BRINP1: variants seen among roughly 807,000 people sequenced by gnomAD.
The protein encoded by BRINP1 is BMP/retinoic acid inducible neural specific 1.
Under a neutral mutation model 72.9 loss-of-function variants are expected in BRINP1, and 17 were observed. The observed-to-expected ratio is 0.23, with a 90% CI of 0.16 to 0.35. The LOEUF (loss-of-function observed/expected upper bound fraction) is 0.35. BRINP1 is among the 10% of genes least tolerant of loss of function. BRINP1 has a pLI of 1.00. For missense variants in BRINP1, 850 were observed against 1,001.6 expected (o/e 0.85, Z 2.04); for synonymous variants, 418 against 378.5 (o/e 1.10, Z -1.21).
At chr9:119,324,508 C>T (rs1318543418) in intron 1 of BRINP1, among the ~76,000 whole-genome samples, 3 of 152,252 alleles carry the variant, frequency 2.0e-5, no homozygotes, top group Non-Finnish European at 4.4e-5. Flanking sequence ...CAAGACAACA[C>T]AAACAAGAAA....
chr9:119,194,046 G>A (rs1190787879), intron 7 of BRINP1, among the ~76,000 whole-genome samples: 2 of 152,176 alleles, frequency 1.3e-5, no homozygotes, highest in Non-Finnish European at 2.9e-5. Context: ...CCCAGCTGAG[G>A]CCAGCCTTCT....
At chr9:119,236,577 A>G (rs1330578698) in intron 5 of BRINP1, among the ~76,000 whole-genome samples, 1 of 152,040 alleles carries the variant, frequency 6.6e-6, no homozygotes. Context: ...TCCAATTATA[A>G]CTCACAATCT....
At chr9:119,315,747 A>C (rs901451485) in intron 1 of BRINP1, among the ~76,000 whole-genome samples, 1 of 152,254 alleles carries the variant, frequency 6.6e-6, no homozygotes, top group Non-Finnish European at 1.5e-5. Flanking sequence ...TCCAGTGAAC[A>C]CATGAATGAT....
At chr9:119,274,981 T>C (rs1830641947) in intron 2 of BRINP1, among the ~76,000 whole-genome samples, 1 of 152,162 alleles carries the variant, frequency 6.6e-6, no homozygotes, top group Non-Finnish European at 1.5e-5. Context: ...GATAACCCTG[T>C]AGACTAAATC....
Position 119,350,647 on chromosome 9 carries a change from C to T in BRINP1, c.-51+18409G>A, listed in dbSNP as rs147274772. Among the ~76,000 whole-genome samples, 6 of 152,020 alleles carry T rather than the reference C, an allele frequency of 3.9e-5. No homozygotes were observed. The East Asian group carries it at 7.8e-4, about 20-fold the overall frequency. On this transcript the variant is annotated intron_variant, in intron 1 of 7. Transcript: ENST00000265922. ...AAAAAAGATTGCACACACACTCGCACGTCCATGAACATGTGCACACACACA... is the reference window on the plus strand; with the variant it reads ...AAAAAAGATTGCACACACACTCGCATGTCCATGAACATGTGCACACACACA...
intron 2 of BRINP1, among the ~76,000 whole-genome samples, chr9:119,274,594 T>C (rs762420719): frequency 2.2e-4 from 33 of 152,310 alleles, no homozygotes; most frequent in Non-Finnish European, 4.1e-4. Context: ...TGGGAAAGTC[T>C]CTCTAACTTG....
Position 119,228,212 on chromosome 9 carries a change from T to A in BRINP1, c.685+10443A>T, listed in dbSNP as rs150981357. Among the ~76,000 whole-genome samples the A allele has an allele frequency of 4.1e-3, 617 of 151,920 alleles. 2 individuals are homozygous for A. The highest frequency in any genetic ancestry group is 0.014 in the African/African-American group (581 of 41,442). ...CTTTCCTTTCCCCTTCCTCCTAATC[T>A]TCCTTATCTCATTATCTTCCACTGT... On this transcript the variant is annotated intron_variant, in intron 5 of 7. Coordinates refer to ENST00000265922, the MANE Select transcript of BRINP1 (RefSeq NM_014618.3).
At chr9:119,316,704 C>T (rs1188961414) in intron 1 of BRINP1, among the ~76,000 whole-genome samples, 2 of 152,032 alleles carry the variant, frequency 1.3e-5, no homozygotes, top group Non-Finnish European at 2.9e-5. Context: ...AAAAAAGATT[C>T]CTTTCAATAT....
In BRINP1 at chr9:119,249,103, T is replaced by C. The variant is rs1830352106; in HGVS notation, c.266A>G (p.Asp89Gly). ...GAGGGGCACTGGATGGCGGACCAGA[T>C]CTCTCCTCTCGATGGCTGTGTTCCT... Reference protein sequence around the residue: ...KVRNTAIERRDLVRHPVPLMP... With the variant: ...KVRNTAIERRGLVRHPVPLMP... Residue 89 changes from aspartate (D) to glycine (G), a missense_variant, in exon 3 of 8, where the codon GAT becomes GGT. By Grantham distance (94) the Asp-to-Gly change is moderately conservative. Coordinates refer to ENST00000265922, the MANE Select transcript of BRINP1 (RefSeq NM_014618.3). The C allele has an allele frequency of 6.2e-7, 1 of 1,613,828 alleles. No individual in the cohort carries two copies. The highest frequency in any genetic ancestry group is 1.3e-5 in the African/African-American group (1 of 74,864).
At chr9:119,350,611 T>C (rs1831497727) in intron 1 of BRINP1, among the ~76,000 whole-genome samples, 1 of 151,662 alleles carries the variant, frequency 6.6e-6, no homozygotes, top group African/African-American at 2.4e-5. Context: ...TATTAAGAAA[T>C]ACACATTAAA....
chr9:119,295,743 T>C (rs1334216122), intron 2 of BRINP1, among the ~76,000 whole-genome samples: 2 of 152,130 alleles, frequency 1.3e-5, no homozygotes, highest in South Asian at 2.1e-4. Flanking sequence ...TGGGCATGTA[T>C]TGTCAATTCG....
chr9:119,303,111 A>G (rs1050015064), intron 2 of BRINP1, among the ~76,000 whole-genome samples: 6 of 151,810 alleles, frequency 4.0e-5, no homozygotes, highest in African/African-American at 1.5e-4. Flanking sequence ...TACAAAGCAC[A>G]CTCCCCCATG....
intron 1 of BRINP1, among the ~76,000 whole-genome samples, chr9:119,333,218 T>C (rs916672170): frequency 1.3e-4 from 20 of 151,950 alleles, no homozygotes; most frequent in Non-Finnish European, 2.6e-4. Context: ...CCCAGGACTT[T>C]AGGAGGCTGA....
chr9:119,315,731 T>G (rs770027190), intron 1 of BRINP1, among the ~76,000 whole-genome samples: 3 of 152,346 alleles, frequency 2.0e-5, no homozygotes, highest in Non-Finnish European at 4.4e-5. Context: ...AAATTAAATG[T>G]GCTGTTCCAG....
chr9:119,241,495 C>G (rs1830248708), intron 4 of BRINP1, among the ~76,000 whole-genome samples: 1 of 152,198 alleles, frequency 6.6e-6, no homozygotes, highest in Admixed American at 6.5e-5. Context: ...GTACAGAAAA[C>G]TTTTGCTGAC....
chr9:119,233,868 C>T (rs1446863816), intron 5 of BRINP1, among the ~76,000 whole-genome samples: 1 of 152,016 alleles, frequency 6.6e-6, no homozygotes, highest in East Asian at 1.9e-4. Flanking sequence ...ACTTTTTTTT[C>T]ACCCATCTAG....
Position 119,166,770 on chromosome 9 carries a change from C to T in BRINP1, c.*314G>A. The T allele has an allele frequency of 3.9e-6, 1 of 259,638 alleles. No individual in the cohort carries two copies. The highest frequency in any genetic ancestry group is 7.3e-6 in the Non-Finnish European group (1 of 136,208). The allele number at this position is 259,638 out of a possible 1,614,324, so 16.1% of individuals were successfully genotyped here. ...AGCACCTGCACAGCAGAGATCTTTA[C>T]AATTCATTGCATATGCTTTCTCCCT... On this transcript the variant is annotated 3_prime_UTR_variant, in exon 8 of 8. Coordinates refer to ENST00000265922, the MANE Select transcript of BRINP1 (RefSeq NM_014618.3).
chr9:119,236,782 C>T (rs1289549127), intron 5 of BRINP1, among the ~76,000 whole-genome samples: 5 of 152,100 alleles, frequency 3.3e-5, no homozygotes, highest in African/African-American at 1.2e-4. Flanking sequence ...ATCTTTCTGT[C>T]TACTCTTTTT....
chr9:119,299,733 C>G (rs1830921096), intron 2 of BRINP1, among the ~76,000 whole-genome samples: 1 of 151,888 alleles, frequency 6.6e-6, no homozygotes, highest in African/African-American at 2.4e-5. Context: ...AGATTTCCTT[C>G]TTTTTGAAGA....
Sources: allele counts gnomAD v4.1 joint callset (sites outside exome capture counted in the v4.1 genomes callset), GRCh38; gene constraint gnomAD v4.1.1; transcripts MANE v1.5; gene names NCBI Gene and HGNC (gene_info 2026-07-23, HGNC 2026-07-21).